Variants in PVT1 observed in about 807,000 individuals in gnomAD.
PVT1 encodes the protein CXCR4/PVT1 fusion.
intron 5 of PVT1, among the ~76,000 whole-genome samples, chr8:128,087,522 T>G (rs571912747): frequency 6.6e-6 from 1 of 152,278 alleles, no homozygotes; most frequent in South Asian, 2.1e-4. Flanking sequence ...AACTGCCGTT[T>G]TAGTTAATGA....
At chr8:127,960,240 T>A (rs1357106185) in intron 3 of PVT1, among the ~76,000 whole-genome samples, 10 of 152,012 alleles carry the variant, frequency 6.6e-5, no homozygotes, top group African/African-American at 2.4e-4. Context: ...GAGGGGTACA[T>A]GGGGAAGCTG....
At chr8:128,086,941 G>T (rs1270316338) in intron 5 of PVT1, among the ~76,000 whole-genome samples, 1 of 152,226 alleles carries the variant, frequency 6.6e-6, no homozygotes, top group African/African-American at 2.4e-5. Flanking sequence ...ATGATTTACA[G>T]CTATGTCCTT....
chr8:127,972,504 C>A (rs1433804020), intron 3 of PVT1, among the ~76,000 whole-genome samples: 1 of 152,088 alleles, frequency 6.6e-6, no homozygotes, highest in Non-Finnish European at 1.5e-5. Context: ...CGTTGGGAGA[C>A]CGAGGTGGTC....
At chr8:127,832,813 G>A (rs987958716) in intron 2 of PVT1, among the ~76,000 whole-genome samples, 4 of 151,820 alleles carry the variant, frequency 2.6e-5, no homozygotes, top group African/African-American at 4.8e-5. Flanking sequence ...AGCTGAGATC[G>A]CACCACTCCA....
intron 2 of PVT1, among the ~76,000 whole-genome samples, chr8:127,837,959 G>A (rs1202662356): frequency 6.6e-6 from 1 of 151,152 alleles, no homozygotes; most frequent in African/African-American, 2.4e-5. Flanking sequence ...GTGCAGTGGT[G>A]CAATCTCGGC....
At chr8:127,880,997 A>G (rs906778836) in intron 2 of PVT1, among the ~76,000 whole-genome samples, 1 of 152,234 alleles carries the variant, frequency 6.6e-6, no homozygotes, top group African/African-American at 2.4e-5. Context: ...GTATTCCTGA[A>G]GAATGGCTCT....
At chr8:127,838,866 G>T (rs1170271082) in intron 2 of PVT1, among the ~76,000 whole-genome samples, 1 of 152,132 alleles carries the variant, frequency 6.6e-6, no homozygotes, top group Non-Finnish European at 1.5e-5. Context: ...GATCAGCAAT[G>T]GACCGTATAT....
intron 2 of PVT1, among the ~76,000 whole-genome samples, chr8:127,836,062 C>T (rs1814905481): frequency 6.6e-6 from 1 of 152,176 alleles, no homozygotes; most frequent in Non-Finnish European, 1.5e-5. Context: ...TTCAATATCA[C>T]CTCCTCAGAC....
intron 2 of PVT1, among the ~76,000 whole-genome samples, chr8:127,814,054 A>G (rs1053539740): frequency 1.1e-4 from 17 of 152,200 alleles, no homozygotes; most frequent in Admixed American, 3.9e-4. Flanking sequence ...AAGTGCTGGG[A>G]TTACAGGCAT....
chr8:127,846,950 G>T (rs1200098305), intron 2 of PVT1, among the ~76,000 whole-genome samples: 1 of 150,392 alleles, frequency 6.6e-6, no homozygotes, highest in Non-Finnish European at 1.5e-5. Context: ...CAAAGTGCTG[G>T]GATTACAAGC....
chr8:127,897,825 A>AAAAGAAAG (rs757197012), intron 3 of PVT1, among the ~76,000 whole-genome samples: 1 of 148,934 alleles, frequency 6.7e-6, no homozygotes, highest in Non-Finnish European at 1.5e-5. Flanking sequence ...AAAAGAAAAG[A>AAAAGAAAG]AAAGAAAGAA....
chr8:127,839,928 T>G (rs937422457), intron 2 of PVT1, among the ~76,000 whole-genome samples: 2 of 152,220 alleles, frequency 1.3e-5, no homozygotes, highest in African/African-American at 4.8e-5. Flanking sequence ...TCTGACCTCC[T>G]GCTGGTGCCT....
At chr8:127,911,284 CTG>C (rs1815894593) in intron 3 of PVT1, among the ~76,000 whole-genome samples, 1 of 152,200 alleles carries the variant, frequency 6.6e-6, no homozygotes, top group Non-Finnish European at 1.5e-5. Context: ...TTTCCTGGGC[CTG>C]TGTCAGTTGA....
At chr8:128,021,320 G>A (rs1347604587) in intron 4 of PVT1, among the ~76,000 whole-genome samples, 2 of 100,222 alleles carry the variant, frequency 2.0e-5, no homozygotes, top group Admixed American at 1.1e-4. Context: ...TTGAGACGGA[G>A]TCTAGCTCTG....
chr8:127,863,083 T>TTTA (rs1362963722), intron 2 of PVT1, among the ~76,000 whole-genome samples: 2 of 73,956 alleles, frequency 2.7e-5, no homozygotes, highest in African/African-American at 1.2e-4. Context: ...GCTAGTTTTA[T>TTTA]TTATTTATTT....
chr8:128,070,613 G>A (rs141743782), intron 5 of PVT1, among the ~76,000 whole-genome samples: 30 of 152,254 alleles, frequency 2.0e-4, no homozygotes, highest in Admixed American at 1.6e-3. Context: ...ACAGCATTTT[G>A]AGCAGGAAGA....
chr8:127,836,877 G>A (rs1412519410), intron 2 of PVT1, among the ~76,000 whole-genome samples: 2 of 151,924 alleles, frequency 1.3e-5, no homozygotes, highest in East Asian at 1.9e-4. Flanking sequence ...CTGCTGGGCC[G>A]GGAGTCCCCC....
At chr8:127,851,724 G>A (rs1434620737) in intron 2 of PVT1, among the ~76,000 whole-genome samples, 3 of 152,142 alleles carry the variant, frequency 2.0e-5, no homozygotes, top group Non-Finnish European at 2.9e-5. Flanking sequence ...GAGATGAGAC[G>A]TGAGCCAGGC....
At chr8:127,862,313 CAGG>C (rs1344543608) in intron 2 of PVT1, among the ~76,000 whole-genome samples, 2 of 151,710 alleles carry the variant, frequency 1.3e-5, no homozygotes, top group African/African-American at 4.8e-5. Flanking sequence ...GAGGCTGAGA[CAGG>C]AGAATTGCTT....
Sources: gnomAD v4.1 joint callset for allele counts (sites outside exome capture counted in the v4.1 genomes callset) on GRCh38, gnomAD v4.1.1 for gene constraint, MANE v1.5 for transcripts, NCBI Gene and HGNC (gene_info 2026-07-23, HGNC 2026-07-21) for gene names.